The following C1QB variants were observed in gnomAD, a reference collection of about 807,000 sequenced individuals.
C1QB encodes the protein complement C1q subcomponent subunit B.
In C1QB, 2 loss-of-function variants were observed where a neutral mutation model predicts 4.6. That is an observed-to-expected ratio of 0.43 (90% CI 0.18 to 1.36). The LOEUF is 1.36. Among genes scored for constraint, C1QB ranks in the 40% most tolerant of loss-of-function variants. C1QB has a pLI of 0.28. For synonymous variants in C1QB, 132 were observed against 137.1 expected (o/e 0.96, Z 0.26); for missense variants, 292 against 338.0 (o/e 0.86, Z 1.07).
At chr1:22,654,122 GT>G (rs1231626801) in intron 1 of C1QB, 4 of 152,388 alleles carry the variant, frequency 2.6e-5, no homozygotes, top group Non-Finnish European at 5.9e-5. Context: ...CTGACTCCAT[GT>G]TGCGGAAAGG....
At position 22,659,947 on chromosome 1, in the gene C1QB, CCT is replaced by C. The variant is rs1642596041; in HGVS notation, c.181+305_181+306del. ...GGGAGTGCCGCTGTGGCCACAGAGT[CCT>C]GTGTTTAAACTTACCTCCTGGGCAA... On this transcript the variant is annotated intron_variant, in intron 2 of 2. Transcript: ENST00000509305. Among the ~76,000 whole-genome samples, 3 of 152,246 alleles carry C rather than the reference CCT, an allele frequency of 2.0e-5. No individual in the cohort carries two copies. The South Asian group carries it at 6.2e-4, about 32-fold the overall frequency.
Position 22,660,835 on chromosome 1 carries a change from C to A in C1QB, c.205C>A (p.His69Asn). The A allele has an allele frequency of 1.9e-6, 3 of 1,613,918 alleles. No individual in the cohort carries two copies. The highest frequency in any genetic ancestry group is 2.5e-6 in the Non-Finnish European group (3 of 1,179,980). ...EKGLPGLAGD[H>N]GEFGEKGDPG... Reference sequence around the variant, plus strand: ...AGGGCTTCCAGGGCTGGCTGGAGACCATGGTGAGTTCGGAGAGAAGGGAGA... The same window carrying A: ...AGGGCTTCCAGGGCTGGCTGGAGACAATGGTGAGTTCGGAGAGAAGGGAGA... The change falls in exon 3 of 3, where the codon CAT (histidine) becomes AAT (asparagine). Residue 69 changes from histidine (H) to asparagine (N), a missense_variant. Transcript: ENST00000509305.
In C1QB at chr1:22,661,312, A is replaced by T. The variant is rs140224926; in HGVS notation, c.682A>T (p.Asn228Tyr). The T allele has an allele frequency of 1.9e-5, 31 of 1,613,776 alleles. No homozygotes were observed. The highest frequency in any genetic ancestry group is 2.5e-5 in the Non-Finnish European group (30 of 1,179,962). The change falls in exon 3 of 3, where the codon AAC becomes TAC. Residue 228 changes from asparagine (N) to tyrosine (Y), a missense_variant. By Grantham distance (143) the Asn-to-Tyr change is moderately radical. Transcript: ENST00000509305. ...CGTCTTCCTGCAGGCCACCGACAAG[A>T]ACTCACTACTGGGCATGGAGGGTGC... ...ENVFLQATDK[N>Y]SLLGMEGANS...
chr1:22,659,068 T>TGGAC (rs1642574576), intron 1 of C1QB, among the ~76,000 whole-genome samples: 2 of 131,400 alleles, frequency 1.5e-5, no homozygotes, highest in Admixed American at 7.5e-5. Flanking sequence ...GATGGATGGA[T>TGGAC]GGATGGATGG....
At chr1:22,653,601 G>C (rs1179495821) in intron 1 of C1QB, among the ~76,000 whole-genome samples, 1 of 152,162 alleles carries the variant, frequency 6.6e-6, no homozygotes, top group Non-Finnish European at 1.5e-5. Context: ...TTATGTATTG[G>C]TTATCTTGGG....
intron 1 of C1QB, among the ~76,000 whole-genome samples, chr1:22,656,320 GC>G (rs965834706): frequency 1.3e-5 from 2 of 152,102 alleles, no homozygotes; most frequent in African/African-American, 4.8e-5. Context: ...AATGTTCATA[GC>G]AGCACTCTTC....
Position 22,661,049 on chromosome 1 carries a change from T to C in C1QB, c.419T>C (p.Phe140Ser). 1 of 1,613,922 alleles carries C rather than the reference T, an allele frequency of 6.2e-7. No homozygotes were observed. Among genetic ancestry groups the C allele is most frequent in the Non-Finnish European group, 8.5e-7 (1 of 1,179,986 alleles). The change falls in exon 3 of 3, where the codon TTC (phenylalanine) becomes TCC (serine). Residue 140 changes from phenylalanine to serine, a missense_variant. Transcript: ENST00000509305. ...CTGCGCCGGGACCAGACCATCCGCT[T>C]CGACCACGTGATCACCAACATGAAC... ...VPLRRDQTIR[F>S]DHVITNMNNN...
Position 22,660,352 on chromosome 1 carries a change from G to T in C1QB, c.182-460G>T, listed in dbSNP as rs573279759. ...TCTCTGCCACTCTACTGGAAAATCG[G>T]TCTTATCTTGTGTTGTGCCAAACCA... On this transcript the variant is annotated intron_variant, in intron 2 of 2. Coordinates refer to ENST00000509305, the MANE Select transcript of C1QB (RefSeq NM_001378156.1). 1.5e-4 allele frequency among the ~76,000 whole-genome samples: 23 copies of T among 152,128 alleles called. 1 individual carries two copies. In the South Asian group the frequency reaches 2.3e-3, roughly 15 times the overall value.
intron 1 of C1QB, among the ~76,000 whole-genome samples, chr1:22,656,502 C>A (rs1047767204): frequency 2.0e-5 from 3 of 152,006 alleles, no homozygotes; most frequent in Non-Finnish European, 4.4e-5. Context: ...AGTGAGACCC[C>A]ATCTCAAAAA....
intron 2 of C1QB, among the ~76,000 whole-genome samples, chr1:22,659,932 C>T (rs1570098038): frequency 6.6e-6 from 1 of 152,220 alleles, no homozygotes; most frequent in East Asian, 1.9e-4. Context: ...GGGAGTGCCG[C>T]TGTGGCCACA....
rs774115112 is a variant in C1QB at position 22,661,226 on chromosome 1, C to G, written c.596C>G (p.Ala199Gly). 4 of 1,613,200 alleles carry G rather than the reference C, an allele frequency of 2.5e-6. 1 individual carries two copies. In the South Asian group the frequency reaches 4.4e-5, roughly 18 times the overall value. Reference sequence around the variant, plus strand: ...AAGGTGGTCACCTTCTGTGACTATGCCTACAACACCTTCCAGGTCACCACC... The same window carrying G: ...AAGGTGGTCACCTTCTGTGACTATGGCTACAACACCTTCCAGGTCACCACC... ...AQKVVTFCDY[A>G]YNTFQVTTGG... The change falls in exon 3 of 3, where the codon GCC becomes GGC. Residue 199 changes from alanine to glycine, a missense_variant. Transcript: ENST00000509305.
chr1:22,659,506 T>C lies in C1QB; in HGVS notation c.44T>C (p.Leu15Pro), dbSNP rs747818615. Residue 15 changes from leucine to proline, a missense_variant, in exon 2 of 3, where the codon CTG becomes CCG. Transcript: ENST00000509305. ...AGCATCCCAGTACTGATGTTGCTCC[T>C]GCTCCTGGGCCTAATCGATATCTCC... ...WGSIPVLMLL[L>P]LLGLIDISQA... The C allele has an allele frequency of 1.2e-6, 2 of 1,614,078 alleles. No homozygotes were observed. The highest frequency in any genetic ancestry group is 1.7e-5 in the Admixed American group (1 of 60,018).
At chr1:22,656,160 G>A (rs1037135753) in intron 1 of C1QB, among the ~76,000 whole-genome samples, 1 of 152,162 alleles carries the variant, frequency 6.6e-6, no homozygotes, top group Non-Finnish European at 1.5e-5. Flanking sequence ...GCACCACACG[G>A]GGGACCTTGG....
chr1:22,659,640 A>T lies in C1QB; in HGVS notation c.178A>T (p.Lys60Ter), dbSNP rs764456393. The change falls in exon 2 of 3, where the codon AAA (lysine) becomes TAA (stop). Residue 60 changes from lysine to a stop codon, truncating the protein, a stop_gained. Coordinates refer to ENST00000509305, the MANE Select transcript of C1QB (RefSeq NM_001378156.1). LOFTEE classifies it low-confidence loss of function (END_TRUNC). ...QPGTPGIKGEKGLPGLAGDHG... is the reference protein window; with the variant it reads ...QPGTPGIKGE Reference sequence around the variant, plus strand: ...TGGGACCCCAGGGATAAAAGGAGAGAAAGGTACCATGGGATTTAGCAGGAC... The same window carrying T: ...TGGGACCCCAGGGATAAAAGGAGAGTAAGGTACCATGGGATTTAGCAGGAC... 1 of 1,611,920 alleles carries T rather than the reference A, an allele frequency of 6.2e-7. No individual in the cohort carries two copies. The highest frequency in any genetic ancestry group is 8.5e-7 in the Non-Finnish European group (1 of 1,178,924).
At position 22,659,407 on chromosome 1, in the gene C1QB, C is replaced by T. The variant is rs548182144; in HGVS notation, c.-23-33C>T. 5.6e-5 allele frequency: 89 copies of T among 1,592,060 alleles called. 1 individual carries two copies. Among genetic ancestry groups the T allele is most frequent in the South Asian group, 5.2e-4 (47 of 90,578 alleles). On this transcript the variant is annotated intron_variant, in intron 1 of 2. Transcript: ENST00000509305. Reference sequence around the variant, plus strand: ...GGATGGATGGATGATAGGATCACCACGGTGGTAACCTCTCACATTGTCTTC... The same window carrying T: ...GGATGGATGGATGATAGGATCACCATGGTGGTAACCTCTCACATTGTCTTC...
Position 22,659,713 on chromosome 1 carries a change from G to A in C1QB, c.181+70G>A, listed in dbSNP as rs914998845. ...CCCGTCTCCTGCCTCCCAAGTCACA[G>A]TTGCCTACCTTTGAGACTGCAAAAG... is the stretch of plus-strand genomic sequence containing the variant. On this transcript the variant is annotated intron_variant, in intron 2 of 2. Transcript: ENST00000509305. 1.7e-5 allele frequency: 26 copies of A among 1,533,320 alleles called. No homozygotes were observed. In the Admixed American group the frequency reaches 4.7e-4, roughly 28 times the overall value. 95.0% of individuals were successfully genotyped at this position (1,533,320 alleles called of 1,614,324 possible).
rs993570300 is a variant in C1QB at position 22,655,962 on chromosome 1, C to T, written c.-24+2659C>T. Among the ~76,000 whole-genome samples, 5 of 152,244 alleles carry T rather than the reference C, an allele frequency of 3.3e-5. No individual in the cohort carries two copies. The South Asian group carries it at 1.0e-3, about 32-fold the overall frequency. ...ATGGGCTGCCTCGAGAGGTAATGAG[C>T]TGCCCATCACTGAAACGGTGCAAAC... On this transcript the variant is annotated intron_variant, in intron 1 of 2. Coordinates refer to ENST00000509305, the MANE Select transcript of C1QB (RefSeq NM_001378156.1).
intron 1 of C1QB, among the ~76,000 whole-genome samples, chr1:22,656,271 C>A (rs559629328): frequency 2.4e-4 from 36 of 152,036 alleles, no homozygotes; most frequent in Non-Finnish European, 5.1e-4. Flanking sequence ...GGTATAAACC[C>A]CAAAGAATTA....
At chr1:22,659,797 T>G (rs1642593758) in intron 2 of C1QB, among the ~76,000 whole-genome samples, 154 bp downstream of exon 2, 1 of 152,216 alleles carries the variant, frequency 6.6e-6, no homozygotes, top group African/African-American at 2.4e-5. Flanking sequence ...GAGGGAATTC[T>G]GATTCCCATT....
Sources: gnomAD v4.1 joint callset for allele counts (sites outside exome capture counted in the v4.1 genomes callset) on GRCh38, gnomAD v4.1.1 for gene constraint, MANE v1.5 for transcripts, NCBI Gene and HGNC (gene_info 2026-07-23, HGNC 2026-07-21) for gene names.